Variants in DSCAML1 observed in about 807,000 individuals in gnomAD.
DSCAML1 encodes the protein DS cell adhesion molecule like 1.
Under a neutral mutation model 200.5 loss-of-function variants are expected in DSCAML1, and 38 were observed. That is an observed-to-expected ratio of 0.19 (90% confidence interval 0.15 to 0.25). The LOEUF is 0.25. DSCAML1 is among the 10% of genes least tolerant of loss of function. The pLI is 1.00. For synonymous variants in DSCAML1, 1,215 were observed against 1,165.0 expected (o/e 1.04, Z -0.87); for missense variants, 2,223 against 2,858.8 (o/e 0.78, Z 5.07).
chr11:117,468,306 TAAAA>T (rs35703349), intron 16 of DSCAML1, among the ~76,000 whole-genome samples: 1 of 149,368 alleles, frequency 6.7e-6, no homozygotes, highest in East Asian at 1.9e-4. Context: ...TTCTCAATGT[TAAAA>T]AAAAAAATCC....
chr11:117,688,989 G>A (rs115848785), intron 3 of DSCAML1, among the ~76,000 whole-genome samples: 216 of 152,204 alleles, frequency 1.4e-3, no homozygotes, highest in African/African-American at 4.9e-3. Context: ...GGCAGGTCTC[G>A]GAGCAACAGA....
At chr11:117,583,538 C>T (rs919851429) in intron 3 of DSCAML1, among the ~76,000 whole-genome samples, 1 of 152,200 alleles carries the variant, frequency 6.6e-6, no homozygotes, top group Non-Finnish European at 1.5e-5. Context: ...CCGGCCTACG[C>T]GGCTCTCTCT....
chr11:117,525,444 C>T (rs73587126), intron 4 of DSCAML1, among the ~76,000 whole-genome samples: 4,937 of 150,336 alleles, frequency 0.033, 253 homozygotes, highest in African/African-American at 0.11. Context: ...TCCTTTCCCA[C>T]GGAGAGTCCC....
At position 117,539,606 on chromosome 11, in the gene DSCAML1, C is replaced by CAAAAAAAAAAAA. The variant is rs35130897; in HGVS notation, c.512-7096_512-7085dup. On this transcript the variant is annotated intron_variant, in intron 3 of 32. Coordinates refer to ENST00000651296, the MANE Select transcript of DSCAML1 (RefSeq NM_020693.4). ...CTGGGCAACAAGAGTAAAACTCTGT[C>CAAAAAAAAAAAA]AAAAAAAAAAAAAAAAAAAAAAAAG... 1.5e-3 allele frequency among the ~76,000 whole-genome samples: 80 copies of CAAAAAAAAAAAA among 52,588 alleles called. 3 individuals are homozygous for CAAAAAAAAAAAA. The highest frequency in any genetic ancestry group is 1.9e-3 in the Non-Finnish European group (53 of 28,092). 34.5% of individuals were successfully genotyped at this position (52,588 alleles called of 152,430 possible).
chr11:117,763,874 GC>G (rs1019796625), intron 3 of DSCAML1, among the ~76,000 whole-genome samples: 1 of 152,136 alleles, frequency 6.6e-6, no homozygotes, highest in African/African-American at 2.4e-5. Context: ...CAGGAGCTCA[GC>G]CTGCCAAAAC....
chr11:117,601,457 G>A (rs1170413094), intron 3 of DSCAML1, among the ~76,000 whole-genome samples: 1 of 152,218 alleles, frequency 6.6e-6, no homozygotes, highest in Non-Finnish European at 1.5e-5. Flanking sequence ...CCTACATTTA[G>A]TGAGAATAGG....
chr11:117,576,357 C>A (rs1156561912), intron 3 of DSCAML1, among the ~76,000 whole-genome samples: 1 of 152,182 alleles, frequency 6.6e-6, no homozygotes, highest in Admixed American at 6.5e-5. Flanking sequence ...GCACGAGGAC[C>A]AATCTGGCTC....
intron 3 of DSCAML1, among the ~76,000 whole-genome samples, chr11:117,663,413 G>C (rs953577750): frequency 6.6e-6 from 1 of 152,146 alleles, no homozygotes; most frequent in Admixed American, 6.5e-5. Context: ...TGTCAGTCCT[G>C]TAAGCAGAAG....
intron 1 of DSCAML1, among the ~76,000 whole-genome samples, chr11:117,787,300 G>T (rs1054618059): frequency 3.3e-5 from 5 of 152,202 alleles, no homozygotes; most frequent in African/African-American, 9.7e-5. Flanking sequence ...GTAAGTGCCT[G>T]GCACCACCTA....
rs1431549402 is a variant in DSCAML1 at position 117,443,955 on chromosome 11, C to T, written c.3793G>A (p.Val1265Met). The T allele has an allele frequency of 6.2e-7, 1 of 1,613,686 alleles. No individual in the cohort carries two copies. The highest frequency in any genetic ancestry group is 1.7e-5 in the Admixed American group (1 of 60,012). Residue 1265 changes from valine to methionine, a missense_variant, in exon 21 of 33, where the codon GTG (valine) becomes ATG (methionine). Val to Met is a conservative substitution (Grantham distance 21). This residue lies in a region of DSCAML1 where 614 missense variants were observed against 739.1 expected (regional missense o/e 0.83). Coordinates refer to ENST00000651296, the MANE Select transcript of DSCAML1 (RefSeq NM_020693.4). Reference protein sequence around the residue: ...LNRGQQYLLWVAAVTSAGRGN... With the variant: ...LNRGQQYLLWMAAVTSAGRGN... ...CGGCCGGCAGAGGTGACGGCGGCCA[C>T]CCACAGCAGATACTGCTGACCGCGG...
chr11:117,796,382 CTAAA>C (rs1038185922), intron 1 of DSCAML1, among the ~76,000 whole-genome samples: 5 of 152,168 alleles, frequency 3.3e-5, no homozygotes, highest in African/African-American at 1.2e-4. Context: ...CAAGCCGGGG[CTAAA>C]GCCGGGGCAG....
At position 117,469,476 on chromosome 11, in the gene DSCAML1, C is replaced by T. The variant is rs1170050480; in HGVS notation, c.3024+434G>A. Among the ~76,000 whole-genome samples, 6 of 152,186 alleles carry T rather than the reference C, an allele frequency of 3.9e-5. No homozygotes were observed. The highest frequency in any genetic ancestry group is 7.3e-5 in the Non-Finnish European group (5 of 68,042). On this transcript the variant is annotated intron_variant, in intron 16 of 32. Coordinates refer to ENST00000651296, the MANE Select transcript of DSCAML1 (RefSeq NM_020693.4). This position sits in a 1 kb window ranked among gnomAD's most constrained non-coding sequence, Gnocchi z 4.1. ...AGAAATGGCTATAGCACATAGTGGTCTCTTTTCTCTACAGTTTCTCCACCC... is the reference window on the plus strand; with the variant it reads ...AGAAATGGCTATAGCACATAGTGGTTTCTTTTCTCTACAGTTTCTCCACCC...
intron 3 of DSCAML1, among the ~76,000 whole-genome samples, chr11:117,565,442 G>A (rs1159979754): frequency 6.6e-6 from 1 of 152,154 alleles, no homozygotes; most frequent in African/African-American, 2.4e-5. Flanking sequence ...CCGTGTATTT[G>A]TACCTATGCC....
chr11:117,508,280 T>C (rs2049544472), intron 8 of DSCAML1, among the ~76,000 whole-genome samples: 1 of 152,128 alleles, frequency 6.6e-6, no homozygotes, highest in African/African-American at 2.4e-5. Flanking sequence ...CCCTGAAGCC[T>C]TCGGTCCACA....
At chr11:117,501,596 T>G (rs1592671016) in intron 11 of DSCAML1, among the ~76,000 whole-genome samples, 6 of 149,822 alleles carry the variant, frequency 4.0e-5, no homozygotes, top group Non-Finnish European at 7.4e-5. Context: ...CTGGGGAGAG[T>G]GGGGCCGGAA....
At chr11:117,576,757 G>A (rs2050939442) in intron 3 of DSCAML1, among the ~76,000 whole-genome samples, 1 of 152,162 alleles carries the variant, frequency 6.6e-6, no homozygotes, top group Non-Finnish European at 1.5e-5. Flanking sequence ...GTTGCTGCCG[G>A]AGCAATGTGG....
chr11:117,814,108 C>T (rs1410139271), intron 1 of DSCAML1, among the ~76,000 whole-genome samples: 2 of 151,836 alleles, frequency 1.3e-5, no homozygotes, highest in Non-Finnish European at 2.9e-5. Context: ...TCAGAAGCTC[C>T]CCCACTGAGC....
chr11:117,490,830 A>T (rs894672921), intron 11 of DSCAML1, among the ~76,000 whole-genome samples: 1 of 152,058 alleles, frequency 6.6e-6, no homozygotes, highest in Non-Finnish European at 1.5e-5. Context: ...GATTCTGGGG[A>T]GAGTGAAGGT....
intron 3 of DSCAML1, among the ~76,000 whole-genome samples, chr11:117,632,382 G>C (rs997322615): frequency 6.6e-6 from 1 of 152,158 alleles, no homozygotes; most frequent in Non-Finnish European, 1.5e-5. Flanking sequence ...CTTGACACTA[G>C]CTCAGCTTTC....
Sources: gnomAD v4.1 joint callset for allele counts (sites outside exome capture counted in the v4.1 genomes callset) on GRCh38, gnomAD v4.1.1 for gene constraint, gnomAD v4.1.1 regional missense constraint, Gnocchi (gnomAD v3.1) non-coding constraint, MANE v1.5 for transcripts, NCBI Gene and HGNC (gene_info 2026-07-23, HGNC 2026-07-21) for gene names.